CSF1: variants seen among roughly 807,000 people sequenced by gnomAD.
CSF1 encodes the protein macrophage colony-stimulating factor 1.
A neutral mutation model predicts 48.9 loss-of-function variants in CSF1; 9 were observed. The observed-to-expected ratio is 0.18, with a 90% CI of 0.11 to 0.32. CSF1 has a LOEUF of 0.32. Among genes scored for constraint, CSF1 ranks in the 10% least tolerant of loss-of-function variants. The pLI, the probability that CSF1 is intolerant of heterozygous loss-of-function variation, is 1.00. For missense variants in CSF1, 672 were observed against 697.9 expected (o/e 0.96, Z 0.42); for synonymous variants, 305 against 284.1 (o/e 1.07, Z -0.74).
chr1:109,922,977 G>A (rs1399702099), intron 5 of CSF1, among the ~76,000 whole-genome samples, 189 bp from the exon 6 acceptor site: 4 of 151,962 alleles, frequency 2.6e-5, no homozygotes, highest in African/African-American at 4.8e-5. Context: ...CCCTGCATAC[G>A]GCACCTTCCC....
intron 1 of CSF1, among the ~76,000 whole-genome samples, chr1:109,912,045 G>A (rs1445267691): frequency 6.6e-6 from 1 of 152,116 alleles, no homozygotes; most frequent in Admixed American, 6.5e-5. Flanking sequence ...AGGAGAGCGG[G>A]CTGCAGGTGA....
rs1647263507 is a variant in CSF1 at position 109,917,328 on chromosome 1, C to T, written c.261C>T (p.Leu87=). Residue 87 remains leucine (L), a synonymous_variant, in exon 4 of 9, where the codon CTC becomes CTT. Transcript: ENST00000329608. ...TGTGCTACCTTAAGAAGGCATTTCT[C>T]CTGGTACAAGACATAATGGAGGACA... The part of the protein sequence containing the change: ...DPVCYLKKAF[L]LVQDIMEDTM... 1.2e-6 allele frequency: 2 copies of T among 1,614,048 alleles called. No individual in the cohort carries two copies. Among genetic ancestry groups the T allele is most frequent in the South Asian group, 1.1e-5 (1 of 91,080 alleles).
chr1:109,925,353 C>T (rs1177465521), intron 8 of CSF1, among the ~76,000 whole-genome samples, 151 bp downstream of exon 8: 1 of 152,118 alleles, frequency 6.6e-6, no homozygotes, highest in Non-Finnish European at 1.5e-5. Flanking sequence ...CCAGCCAGGT[C>T]CAGCCACCCT....
At chr1:109,924,906 G>C in intron 7 of CSF1, 78 bp downstream of exon 7, 1 of 1,408,896 alleles carries the variant, frequency 7.1e-7, no homozygotes, top group Non-Finnish European at 9.9e-7. Context: ...TGGTGGTGGG[G>C]CTCTCCTGCT....
Position 109,916,454 on chromosome 1 carries a change from T to C in CSF1, c.225+758T>C, listed in dbSNP as rs758531431. Reference sequence around the variant, plus strand: ...TCTGGGTTACACCAGGTCTAGCCATTCTCCACCACACAAGCCTCTATACCA... The same window carrying C: ...TCTGGGTTACACCAGGTCTAGCCATCCTCCACCACACAAGCCTCTATACCA... On this transcript the variant is annotated intron_variant, in intron 3 of 8. Coordinates refer to ENST00000329608, the MANE Select transcript of CSF1 (RefSeq NM_000757.6). Among the ~76,000 whole-genome samples, 113 of 152,136 alleles carry C rather than the reference T, an allele frequency of 7.4e-4. 1 individual carries two copies. In the Middle Eastern group the frequency reaches 0.034, roughly 46 times the overall value.
chr1:109,922,201 G>A (rs543326949), intron 5 of CSF1: 66 of 446,340 alleles, frequency 1.5e-4, no homozygotes, highest in Non-Finnish European at 1.1e-4. Flanking sequence ...ACATGTGTGT[G>A]CATGCACACC....
chr1:109,924,678 C>A, intron 6 of CSF1, 98 bp from the exon 7 acceptor site: 1 of 1,106,052 alleles, frequency 9.0e-7, no homozygotes, highest in Non-Finnish European at 1.3e-6. Context: ...ACTCTTGCAA[C>A]TCTCTCATAA....
chr1:109,911,182 G>C (rs1283567614), intron 1 of CSF1, 120 bp downstream of exon 1: 1 of 628,628 alleles, frequency 1.6e-6, no homozygotes, highest in African/African-American at 2.0e-5. Flanking sequence ...CTGGCCCGGC[G>C]TTCCCGCCGC....
At chr1:109,916,209 A>G (rs992611073) in intron 3 of CSF1, among the ~76,000 whole-genome samples, 43 of 152,114 alleles carry the variant, frequency 2.8e-4, no homozygotes, top group African/African-American at 1.0e-3. Context: ...TCTGCCTCTC[A>G]GCATCTCTGG....
chr1:109,919,134 G>C (rs1647395562), intron 4 of CSF1, among the ~76,000 whole-genome samples: 1 of 152,216 alleles, frequency 6.6e-6, no homozygotes, highest in African/African-American at 2.4e-5. Context: ...AACAGAAAGA[G>C]AGGAAGTAGA....
rs12565736 is a variant in CSF1 at position 109,923,643 on chromosome 1, G to A, written c.1022G>A (p.Ser341Asn). 1.4e-4 allele frequency: 218 copies of A among 1,613,962 alleles called. No individual in the cohort carries two copies. The highest frequency in any genetic ancestry group is 1.8e-4 in the Admixed American group (11 of 59,998). ...ATGCAGACAGAGCCCGCCAGACCCA[G>A]CAACTTCCTCTCAGCATCTTCTCCA... is the stretch of plus-strand genomic sequence containing the variant. ...GSMQTEPARPSNFLSASSPLP... is the reference protein window; with the variant it reads ...GSMQTEPARPNNFLSASSPLP... Residue 341 changes from serine (S) to asparagine (N), a missense_variant, in exon 6 of 9, where the codon AGC becomes AAC. Coordinates refer to ENST00000329608, the MANE Select transcript of CSF1 (RefSeq NM_000757.6).
At chr1:109,919,927 A>AAAATAAATAAATAAATAAATAAATAAAT (rs35887432) in intron 4 of CSF1, among the ~76,000 whole-genome samples, 1 of 146,286 alleles carries the variant, frequency 6.8e-6, no homozygotes, top group Non-Finnish European at 1.5e-5. Context: ...ACTCCATCTC[A>AAAATAAATAAATAAATAAATAAATAAAT]AAATAAATAA....
intron 5 of CSF1, 97 bp from the exon 6 acceptor site, chr1:109,923,069 A>T: frequency 8.0e-7 from 1 of 1,245,856 alleles, no homozygotes; most frequent in South Asian, 1.6e-5. Flanking sequence ...CCAGACTCAC[A>T]TTCCCCTCTT....
At chr1:109,926,698 C>G (rs1647858128) in intron 8 of CSF1, 1 of 152,136 alleles carries the variant, frequency 6.6e-6, no homozygotes, top group Non-Finnish European at 1.5e-5. Context: ...CAGTCATGCT[C>G]CTCCTGCTCT....
chr1:109,923,869 C>T lies in CSF1; in HGVS notation c.1248C>T (p.Pro416=), dbSNP rs750063263. 8 of 1,614,054 alleles carry T rather than the reference C, an allele frequency of 5.0e-6. No individual in the cohort carries two copies. In the Admixed American group the frequency reaches 8.3e-5, roughly 17 times the overall value. Residue 416 remains proline (P), a synonymous_variant, in exon 6 of 9, where the codon CCC becomes CCT. Transcript: ENST00000329608. ...TGCGCCCCCAGGGCCTCAGCAACCC[C>T]TCCACCCTCTCTGCTCAGCCACAGC... is the stretch of plus-strand genomic sequence containing the variant. ...SSLRPQGLSN[P]STLSAQPQLS...
intron 8 of CSF1, among the ~76,000 whole-genome samples, chr1:109,927,562 C>T (rs3093041): frequency 0.27 from 41,525 of 152,046 alleles, 6,977 homozygotes; most frequent in Non-Finnish European, 0.38. Context: ...GCCCACCCTC[C>T]TTTCCCCACT....
intron 4 of CSF1, among the ~76,000 whole-genome samples, chr1:109,918,119 C>A (rs1436610486): frequency 6.6e-6 from 1 of 152,080 alleles, no homozygotes; most frequent in East Asian, 1.9e-4. Context: ...TCTGAGTAAG[C>A]AAATATTGAT....
chr1:109,924,263 G>C lies in CSF1; in HGVS notation c.1569+73G>C, dbSNP rs149758130. The C allele has an allele frequency of 1.9e-5, 27 of 1,386,446 alleles. No individual in the cohort carries two copies. The African/African-American group carries it at 2.2e-4, about 11-fold the overall frequency. 85.9% of individuals were successfully genotyped at this position (1,386,446 alleles called of 1,614,324 possible). On this transcript the variant is annotated intron_variant, in intron 6 of 8. Coordinates refer to ENST00000329608, the MANE Select transcript of CSF1 (RefSeq NM_000757.6). ...GCAGAGCCTGGCGGGGGTGCAGGTGGGGGGACAGCTTGGGTGCGGCCTGAG... is the reference window on the plus strand; with the variant it reads ...GCAGAGCCTGGCGGGGGTGCAGGTGCGGGGACAGCTTGGGTGCGGCCTGAG...
Position 109,922,003 on chromosome 1 carries a change from G to A in CSF1, c.544+9G>A. Reference sequence around the variant, plus strand: ...TGAATGCTCCAGCCAAGGTAAGCATGGCAGGGGCCAGCAAGTGTGTGGGGG... The same window carrying A: ...TGAATGCTCCAGCCAAGGTAAGCATAGCAGGGGCCAGCAAGTGTGTGGGGG... On this transcript the variant is annotated intron_variant, in intron 5 of 8. Coordinates refer to ENST00000329608, the MANE Select transcript of CSF1 (RefSeq NM_000757.6). 1 of 1,588,092 alleles carries A rather than the reference G, an allele frequency of 6.3e-7. No individual in the cohort carries two copies. The highest frequency in any genetic ancestry group is 8.6e-7 in the Non-Finnish European group (1 of 1,162,684).
Sources: gnomAD v4.1 joint callset for allele counts (sites outside exome capture counted in the v4.1 genomes callset) on GRCh38, gnomAD v4.1.1 for gene constraint, MANE v1.5 for transcripts, NCBI Gene and HGNC (gene_info 2026-07-23, HGNC 2026-07-21) for gene names.